Variants in RBFOX1 observed in about 807,000 individuals in gnomAD.
RBFOX1 encodes RNA binding protein fox-1 homolog 1.
RBFOX1 carries 8 observed loss-of-function variants against 57.7 expected under a neutral mutation model. That is an observed-to-expected ratio of 0.14 (90% confidence interval 0.08 to 0.25). The LOEUF is 0.25. Among genes scored for constraint, RBFOX1 ranks in the 10% least tolerant of loss-of-function variants. The pLI is 1.00. For synonymous variants in RBFOX1, 326 were observed against 222.4 expected (o/e 1.47, Z -4.15); for missense variants, 611 against 548.5 (o/e 1.11, Z -1.14).
intron 2 of RBFOX1, among the ~76,000 whole-genome samples, chr16:5,510,824 C>A (rs11639928): frequency 6.6e-6 from 1 of 151,778 alleles, no homozygotes; most frequent in Non-Finnish European, 1.5e-5. Flanking sequence ...AGCCTCCCAG[C>A]CCTCCACCCA....
intron 2 of RBFOX1, among the ~76,000 whole-genome samples, chr16:6,622,474 G>A (rs978955692): frequency 6.6e-6 from 1 of 152,142 alleles, no homozygotes; most frequent in Non-Finnish European, 1.5e-5. Context: ...AGACCATATA[G>A]AGTGTGTGTG....
At chr16:7,166,779 G>A in intron 4 of RBFOX1, among the ~76,000 whole-genome samples, 1 of 152,076 alleles carries the variant, frequency 6.6e-6, no homozygotes, top group Non-Finnish European at 1.5e-5. Flanking sequence ...GGTGGATACA[G>A]GACAGACAGC....
chr16:5,481,671 C>T (rs909917156), intron 2 of RBFOX1, among the ~76,000 whole-genome samples: 35 of 152,168 alleles, frequency 2.3e-4, no homozygotes, highest in African/African-American at 6.0e-4. Flanking sequence ...TATTAGTTTG[C>T]GAGGGCTGCC....
At chr16:5,803,974 A>C (rs1400105812) in intron 3 of RBFOX1, among the ~76,000 whole-genome samples, 1 of 151,958 alleles carries the variant, frequency 6.6e-6, no homozygotes, top group African/African-American at 2.4e-5. Context: ...TCAAACTCCT[A>C]CTTACCCTTC....
chr16:5,812,918 T>A (rs2055486173), intron 3 of RBFOX1, among the ~76,000 whole-genome samples: 1 of 152,190 alleles, frequency 6.6e-6, no homozygotes, highest in Admixed American at 6.5e-5. Flanking sequence ...TGCTCAAATA[T>A]TTTGCCCATT....
chr16:6,140,915 C>G (rs952609667), intron 1 of RBFOX1, among the ~76,000 whole-genome samples: 1 of 152,192 alleles, frequency 6.6e-6, no homozygotes, highest in African/African-American at 2.4e-5. Flanking sequence ...TCACAGGTGA[C>G]CAAGGGACAC....
At chr16:7,257,736 C>T (rs1363499947) in intron 4 of RBFOX1, among the ~76,000 whole-genome samples, 1 of 152,128 alleles carries the variant, frequency 6.6e-6, no homozygotes, top group Non-Finnish European at 1.5e-5. Context: ...ATAGATGTTG[C>T]CTGTGTTAGA....
chr16:6,940,731 G>A (rs2078237390), intron 3 of RBFOX1, among the ~76,000 whole-genome samples: 1 of 151,666 alleles, frequency 6.6e-6, no homozygotes, highest in Non-Finnish European at 1.5e-5. Flanking sequence ...CCGAGTAGCT[G>A]GGACTACAGG....
chr16:5,900,769 C>G (rs2058287276), intron 4 of RBFOX1, among the ~76,000 whole-genome samples: 1 of 152,154 alleles, frequency 6.6e-6, no homozygotes, highest in African/African-American at 2.4e-5. Flanking sequence ...CCAGGAATGT[C>G]AAATTAGCCT....
chr16:6,214,090 A>C (rs1361237225), intron 1 of RBFOX1, among the ~76,000 whole-genome samples: 1 of 152,200 alleles, frequency 6.6e-6, no homozygotes, highest in East Asian at 1.9e-4. Flanking sequence ...TTTCACTCCA[A>C]GAGCATGAGT....
intron 4 of RBFOX1, among the ~76,000 whole-genome samples, chr16:7,267,473 T>C (rs138081562): frequency 6.6e-6 from 1 of 151,874 alleles, no homozygotes; most frequent in African/African-American, 2.4e-5. Context: ...TAGGTGGAGG[T>C]TGCAGCGAGC....
intron 1 of RBFOX1, among the ~76,000 whole-genome samples, chr16:6,159,394 G>C (rs559434223): frequency 1.3e-5 from 2 of 152,164 alleles, no homozygotes; most frequent in East Asian, 1.9e-4. Flanking sequence ...TAGGTTTTTG[G>C]GGGGAGAAGC....
At chr16:7,564,839 TCAGCCCTTCTCTGTCCTC>T (rs751071004) in intron 5 of RBFOX1, among the ~76,000 whole-genome samples, 27 of 152,128 alleles carry the variant, frequency 1.8e-4, no homozygotes, top group South Asian at 4.1e-4. Context: ...GAATTCGGAG[TCAGCCCTTCTCTGTCCTC>T]CAGCCCTTCT....
intron 4 of RBFOX1, among the ~76,000 whole-genome samples, chr16:7,330,533 G>C (rs1477230892): frequency 2.0e-5 from 3 of 149,750 alleles, no homozygotes; most frequent in Non-Finnish European, 4.4e-5. Context: ...TGTAGAGAGA[G>C]AGAGAGAGAG....
intron 3 of RBFOX1, among the ~76,000 whole-genome samples, chr16:5,772,718 C>G (rs1292831852): frequency 1.3e-5 from 2 of 152,128 alleles, no homozygotes; most frequent in Admixed American, 1.3e-4. Flanking sequence ...CTGAGAGGAA[C>G]AGATCTGATT....
chr16:6,998,652 A>G (rs1050016597), intron 3 of RBFOX1, among the ~76,000 whole-genome samples: 2 of 152,058 alleles, frequency 1.3e-5, no homozygotes, highest in African/African-American at 4.8e-5. Context: ...CCTGTTTCAC[A>G]TTTTGTGTTC....
chr16:5,992,502 C>T (rs2060417742), intron 4 of RBFOX1, among the ~76,000 whole-genome samples: 1 of 152,134 alleles, frequency 6.6e-6, no homozygotes, highest in Non-Finnish European at 1.5e-5. Flanking sequence ...GTTTTTCCTG[C>T]AACTGGTATG....
intron 2 of RBFOX1, among the ~76,000 whole-genome samples, chr16:5,474,527 A>T (rs1276049890): frequency 6.6e-6 from 1 of 152,008 alleles, no homozygotes; most frequent in Non-Finnish European, 1.5e-5. Flanking sequence ...GGTGGTGGGC[A>T]CCTGTAATCC....
intron 1 of RBFOX1, among the ~76,000 whole-genome samples, chr16:6,292,725 C>A (rs2077598911): frequency 6.6e-6 from 1 of 152,156 alleles, no homozygotes. Flanking sequence ...CTATCTATTG[C>A]TGGTGACTGC....
Sources: allele counts gnomAD v4.1 joint callset (sites outside exome capture counted in the v4.1 genomes callset), GRCh38; gene constraint gnomAD v4.1.1; transcripts MANE v1.5; gene names NCBI Gene and HGNC (gene_info 2026-07-23, HGNC 2026-07-21).